TFEC: variants seen among roughly 807,000 people sequenced by gnomAD.
TFEC encodes the protein transcription factor EC.
Under a neutral mutation model 41.6 loss-of-function variants are expected in TFEC, and 31 were observed. The ratio of observed to expected loss-of-function variants is 0.74; its 90% CI spans 0.56 to 1.01. TFEC has a LOEUF of 1.01. Ranked by LOEUF, TFEC falls within the 50% of genes least tolerant of loss-of-function variation. The pLI is 0.00. For missense variants in TFEC, 402 were observed against 404.1 expected (o/e 0.99, Z 0.04); for synonymous variants, 143 against 140.6 (o/e 1.02, Z -0.12).
At chr7:116,018,449 T>A (rs1361423652) in intron 1 of TFEC, among the ~76,000 whole-genome samples, 1 of 152,174 alleles carries the variant, frequency 6.6e-6, no homozygotes, top group Non-Finnish European at 1.5e-5. Context: ...ATGCACAGGC[T>A]AACATGTTAT....
At chr7:116,118,620 G>T (rs1798043417) in intron 1 of TFEC, among the ~76,000 whole-genome samples, 1 of 151,744 alleles carries the variant, frequency 6.6e-6, no homozygotes, top group Admixed American at 6.6e-5. Context: ...AATAAATGAG[G>T]TATATCTAAA....
At chr7:116,146,098 G>T (rs1428991706) in intron 1 of TFEC, among the ~76,000 whole-genome samples, 1 of 152,154 alleles carries the variant, frequency 6.6e-6, no homozygotes, top group Non-Finnish European at 1.5e-5. Flanking sequence ...ATGTTAACTA[G>T]CAGTTTAAAA....
intron 1 of TFEC, among the ~76,000 whole-genome samples, chr7:116,125,338 T>A (rs1391830904): frequency 6.6e-6 from 1 of 152,270 alleles, no homozygotes; most frequent in East Asian, 1.9e-4. Flanking sequence ...TTCCTTTTAG[T>A]ATGATGTATA....
In TFEC at chr7:116,157,596, C is replaced by A. The variant is rs549801619; in HGVS notation, c.-69+2194G>T. On this transcript the variant is annotated intron_variant, in intron 1 of 8. Coordinates refer to the TFEC transcript ENST00000484212. ...TGGAAATCAGGATTCTAAGGGAAATCAAAAAATAATATGTTGAGTGTGGGG... is the reference window on the plus strand; with the variant it reads ...TGGAAATCAGGATTCTAAGGGAAATAAAAAAATAATATGTTGAGTGTGGGG... 4.7e-5 allele frequency among the ~76,000 whole-genome samples: 7 copies of A among 149,040 alleles called. No homozygotes were observed. In the East Asian group the frequency reaches 7.9e-4, roughly 17 times the overall value.
At chr7:115,999,541 C>T (rs1302480165) in intron 1 of TFEC, among the ~76,000 whole-genome samples, 1 of 151,692 alleles carries the variant, frequency 6.6e-6, no homozygotes, top group Non-Finnish European at 1.5e-5. Context: ...TGAAAAGTTG[C>T]TTTCTTGAAA....
At chr7:115,992,255 G>A (rs948901924) in intron 1 of TFEC, among the ~76,000 whole-genome samples, 2 of 152,146 alleles carry the variant, frequency 1.3e-5, no homozygotes, top group African/African-American at 2.4e-5. Context: ...GAGAGAGCAG[G>A]AAAGATCTAA....
At chr7:116,062,215 C>T (rs1291757762) in intron 3 of TFEC, among the ~76,000 whole-genome samples, 1 of 127,528 alleles carries the variant, frequency 7.8e-6, no homozygotes, top group Non-Finnish European at 1.6e-5. Context: ...CATGTGCCAA[C>T]ATGCCTGGCC....
chr7:116,055,936 T>A (rs1219094141), intron 3 of TFEC, among the ~76,000 whole-genome samples: 1 of 152,110 alleles, frequency 6.6e-6, no homozygotes. Context: ...AAAATTATAA[T>A]TAACAGCTCT....
chr7:116,081,864 C>T (rs1381608787), intron 3 of TFEC, among the ~76,000 whole-genome samples: 2 of 151,984 alleles, frequency 1.3e-5, no homozygotes, highest in Non-Finnish European at 2.9e-5. Flanking sequence ...ATGATACATC[C>T]CTTCATCTTG....
intron 3 of TFEC, among the ~76,000 whole-genome samples, chr7:116,104,732 A>G (rs1562970628): frequency 1.3e-5 from 2 of 151,334 alleles, no homozygotes. Flanking sequence ...ACTTGACATA[A>G]TTTTTTAAGC....
intron 3 of TFEC, among the ~76,000 whole-genome samples, chr7:115,965,514 C>CT (rs1168022555): frequency 1.3e-5 from 2 of 151,392 alleles, no homozygotes; most frequent in African/African-American, 2.4e-5. Flanking sequence ...AAATAGCACC[C>CT]TTTTTTTTCT....
At chr7:116,037,608 A>C (rs919564281) in intron 3 of TFEC, among the ~76,000 whole-genome samples, 1 of 152,024 alleles carries the variant, frequency 6.6e-6, no homozygotes, top group Non-Finnish European at 1.5e-5. Context: ...CTTTTATGCA[A>C]TAATACCAGA....
intron 3 of TFEC, among the ~76,000 whole-genome samples, chr7:116,050,545 AG>A (rs1219103624): frequency 1.3e-5 from 2 of 152,244 alleles, no homozygotes; most frequent in African/African-American, 4.8e-5. Context: ...CACATCAAAA[AG>A]TGCTCATCAT....
intron 3 of TFEC, among the ~76,000 whole-genome samples, chr7:116,079,833 T>C (rs574324560): frequency 1.2e-3 from 189 of 152,112 alleles, no homozygotes; most frequent in African/African-American, 4.4e-3. Flanking sequence ...AAAGGAATCC[T>C]AAAATTCATA....
chr7:116,076,118 A>G (rs1214747726), intron 3 of TFEC, among the ~76,000 whole-genome samples: 1 of 152,188 alleles, frequency 6.6e-6, no homozygotes. Context: ...GACACTCCCC[A>G]GTACCAGCCT....
At chr7:116,109,087 G>A in intron 3 of TFEC, among the ~76,000 whole-genome samples, 1 of 151,840 alleles carries the variant, frequency 6.6e-6, no homozygotes, top group Non-Finnish European at 1.5e-5. Flanking sequence ...ATGGATTAAA[G>A]ACTTAAATGT....
intron 3 of TFEC, among the ~76,000 whole-genome samples, chr7:115,958,321 C>T (rs1427601545): frequency 6.6e-6 from 1 of 151,840 alleles, no homozygotes; most frequent in East Asian, 1.9e-4. Context: ...ACTCACTTAG[C>T]CATACTTTTT....
rs530891210 is a variant in TFEC, at chr7:116,055,786, G to T, written c.198+54922C>A. On this transcript the variant is annotated intron_variant, in intron 3 of 8. Coordinates refer to the TFEC transcript ENST00000484212. ...TAAGGAAAAATGGAAAGCTTAAAAG[G>T]TCACAAGCTAATAAATGGGAGAGTG... Among the ~76,000 whole-genome samples the T allele has an allele frequency of 2.0e-5, 3 of 151,980 alleles. No individual in the cohort carries two copies. In the East Asian group the frequency reaches 5.8e-4, roughly 29 times the overall value.
intron 4 of TFEC, among the ~76,000 whole-genome samples, chr7:115,955,273 T>A (rs1211533914): frequency 1.3e-5 from 2 of 152,050 alleles, no homozygotes; most frequent in African/African-American, 2.4e-5. Context: ...CCCTCCCACA[T>A]TAAATAAATA....
Sources: gnomAD v4.1 joint callset for allele counts (sites outside exome capture counted in the v4.1 genomes callset) on GRCh38, gnomAD v4.1.1 for gene constraint, MANE v1.5 for transcripts, NCBI Gene and HGNC (gene_info 2026-07-23, HGNC 2026-07-21) for gene names.